The following SIPA1L2 variants were observed in gnomAD, a reference collection of about 807,000 sequenced individuals.
SIPA1L2 encodes signal induced proliferation associated 1 like 2.
A neutral mutation model predicts 163.9 loss-of-function variants in SIPA1L2; 56 were observed. That is an observed-to-expected ratio of 0.34 (90% CI 0.28 to 0.43). The LOEUF is 0.43. Among genes scored for constraint, SIPA1L2 ranks in the 20% least tolerant of loss-of-function variants. The probability of loss-of-function intolerance (pLI) is 1.00; values close to 1 mark genes in which losing one functional copy is unlikely to be tolerated. For missense variants in SIPA1L2, 1,974 were observed against 2,193.5 expected, an observed-to-expected ratio of 0.90 and a Z score of 2.00; for synonymous variants, 877 against 865.7, an observed-to-expected ratio of 1.01 and a Z score of -0.23.
intron 2 of SIPA1L2, among the ~76,000 whole-genome samples, chr1:232,515,908 C>A (rs1399731327): frequency 6.6e-6 from 1 of 152,224 alleles, no homozygotes; most frequent in Non-Finnish European, 1.5e-5. Context: ...CTATATCCAA[C>A]AGAGTAATTT....
At chr1:232,526,062 A>C (rs926625951) in intron 2 of SIPA1L2, among the ~76,000 whole-genome samples, 3 of 152,244 alleles carry the variant, frequency 2.0e-5, no homozygotes, top group African/African-American at 7.2e-5. Context: ...TGAGGAAATC[A>C]GTATTATCTA....
chr1:232,609,502 C>A (rs1573170476), intron 1 of SIPA1L2, among the ~76,000 whole-genome samples: 1 of 152,176 alleles, frequency 6.6e-6, no homozygotes, highest in South Asian at 2.1e-4. Context: ...ATAGTGTTAT[C>A]AATCCAAACC....
chr1:232,592,907 A>T (rs376692579), intron 1 of SIPA1L2, among the ~76,000 whole-genome samples: 4 of 152,152 alleles, frequency 2.6e-5, no homozygotes, highest in South Asian at 4.1e-4. Flanking sequence ...AGAAGGGGAA[A>T]TTAGTCCCAA....
At chr1:232,503,028 G>A (rs1237172431) in intron 3 of SIPA1L2, among the ~76,000 whole-genome samples, 3 of 152,162 alleles carry the variant, frequency 2.0e-5, no homozygotes, top group Admixed American at 6.5e-5. Context: ...AGAGGACAAC[G>A]AGCAAGGCTT....
At chr1:232,629,838 C>T (rs1354099177) in intron 1 of SIPA1L2, among the ~76,000 whole-genome samples, 31 bp downstream of exon 1, 1 of 151,982 alleles carries the variant, frequency 6.6e-6, no homozygotes, top group African/African-American at 2.4e-5. Context: ...CGACCCTCGC[C>T]ACGCTGCCCG....
At chr1:232,493,475 C>A (rs1413552816) in intron 4 of SIPA1L2, 52 bp downstream of exon 4, 2 of 1,609,034 alleles carry the variant, frequency 1.2e-6, no homozygotes, top group African/African-American at 2.7e-5. Flanking sequence ...AGCAGTAACA[C>A]CAAAGGAGGT....
chr1:232,549,571 T>G (rs1658257727), intron 2 of SIPA1L2, among the ~76,000 whole-genome samples: 1 of 152,108 alleles, frequency 6.6e-6, no homozygotes, highest in African/African-American at 2.4e-5. Flanking sequence ...TGATGGGAGC[T>G]CCTATTATGT....
chr1:232,625,247 C>A (rs970670297), intron 1 of SIPA1L2, among the ~76,000 whole-genome samples: 1 of 152,300 alleles, frequency 6.6e-6, no homozygotes, highest in South Asian at 2.1e-4. Flanking sequence ...TCGAGGGAAG[C>A]TTCCAGAGAC....
chr1:232,612,826 C>T (rs1462471295), intron 1 of SIPA1L2, among the ~76,000 whole-genome samples: 9 of 152,084 alleles, frequency 5.9e-5, no homozygotes, highest in African/African-American at 1.4e-4. Flanking sequence ...GGTTTTGAAA[C>T]GTCAGGACAT....
At chr1:232,545,364 A>C (rs789644) in intron 2 of SIPA1L2, among the ~76,000 whole-genome samples, 69,387 of 152,052 alleles carry the variant, frequency 0.46, 16,013 homozygotes, top group Middle Eastern at 0.65. Context: ...GAATTCAAGC[A>C]CTTGACTCAT....
At chr1:232,509,436 A>T (rs1246313202) in intron 3 of SIPA1L2, among the ~76,000 whole-genome samples, 1 of 152,208 alleles carries the variant, frequency 6.6e-6, no homozygotes, top group Non-Finnish European at 1.5e-5. Context: ...TGAAAGATAG[A>T]TCCCTGAAAG....
rs533500886 is a variant in SIPA1L2, at chr1:232,552,890, G to A, written c.-270+21284C>T. Reference sequence around the variant, plus strand: ...CTTATGGAGGGGGAGCATGCACACAGGCAGGTGCAGGAACCAGGGGGAGAT... The same window carrying A: ...CTTATGGAGGGGGAGCATGCACACAAGCAGGTGCAGGAACCAGGGGGAGAT... On this transcript the variant is annotated intron_variant, in intron 2 of 22. Coordinates refer to ENST00000674635, the MANE Select transcript of SIPA1L2 (RefSeq NM_020808.5). 3.3e-5 allele frequency among the ~76,000 whole-genome samples: 5 copies of A among 152,316 alleles called. No individual in the cohort carries two copies. The South Asian group carries it at 6.2e-4, about 19-fold the overall frequency.
chr1:232,508,084 G>A (rs955465984), intron 3 of SIPA1L2, among the ~76,000 whole-genome samples: 2 of 152,000 alleles, frequency 1.3e-5, no homozygotes, highest in Admixed American at 6.6e-5. Context: ...ATATAGATTC[G>A]TCAATCTGAT....
At chr1:232,604,962 T>A (rs148406497) in intron 1 of SIPA1L2, among the ~76,000 whole-genome samples, 123 of 152,266 alleles carry the variant, frequency 8.1e-4, no homozygotes, top group African/African-American at 1.9e-3. Context: ...GTGAGCCAAT[T>A]AAACCTCTTT....
chr1:232,467,723 C>T (rs996976979), intron 8 of SIPA1L2, among the ~76,000 whole-genome samples: 1 of 152,206 alleles, frequency 6.6e-6, no homozygotes, highest in Non-Finnish European at 1.5e-5. Flanking sequence ...AACGCTGAGG[C>T]GGCCAAATGT....
chr1:232,568,599 C>T (rs1438963990), intron 2 of SIPA1L2, among the ~76,000 whole-genome samples: 1 of 152,174 alleles, frequency 6.6e-6, no homozygotes, highest in Non-Finnish European at 1.5e-5. Flanking sequence ...ACAGACAGGG[C>T]TATCCTGGGT....
At chr1:232,449,939 C>CATAG (rs1022210804) in intron 10 of SIPA1L2, among the ~76,000 whole-genome samples, 2 of 152,144 alleles carry the variant, frequency 1.3e-5, no homozygotes, top group African/African-American at 4.8e-5. Context: ...TTGTCAAATC[C>CATAG]ATAGTACTTG....
intron 1 of SIPA1L2, among the ~76,000 whole-genome samples, chr1:232,585,873 C>G (rs2102815781): frequency 6.6e-6 from 1 of 152,290 alleles, no homozygotes; most frequent in African/African-American, 2.4e-5. Context: ...TCCAAAAATG[C>G]TTGCTGAACT....
intron 10 of SIPA1L2, among the ~76,000 whole-genome samples, chr1:232,459,903 A>G (rs2102915050): frequency 6.6e-6 from 1 of 152,334 alleles, no homozygotes; most frequent in South Asian, 2.1e-4. Flanking sequence ...TTTCATCTTC[A>G]TTGAAATCAT....
Sources: allele counts gnomAD v4.1 joint callset (sites outside exome capture counted in the v4.1 genomes callset), GRCh38; gene constraint gnomAD v4.1.1; transcripts MANE v1.5; gene names NCBI Gene and HGNC (gene_info 2026-07-23, HGNC 2026-07-21).